The following KPNA7 variants were observed in gnomAD, a reference collection of about 807,000 sequenced individuals.
KPNA7 encodes the protein karyopherin subunit alpha 7.
KPNA7 carries 54 observed loss-of-function variants against 53.7 expected under a neutral mutation model. The observed-to-expected ratio is 1.01, with a 90% CI of 0.81 to 1.26. The LOEUF (loss-of-function observed/expected upper bound fraction) is 1.26, where lower values mean the gene tolerates loss of function less well. Among genes scored for constraint, KPNA7 ranks in the 50% most tolerant of loss-of-function variants. KPNA7 has a pLI of 0.00. For missense variants in KPNA7, 640 were observed against 644.5 expected, an observed-to-expected ratio of 0.99 and a Z score of 0.07; for synonymous variants, 276 against 259.3, an observed-to-expected ratio of 1.06 and a Z score of -0.62.
intron 7 of KPNA7, among the ~76,000 whole-genome samples, chr7:99,186,931 C>T (rs1188107664): frequency 4.6e-5 from 7 of 152,108 alleles, no homozygotes; most frequent in Admixed American, 4.6e-4. Flanking sequence ...AGCATAGAGA[C>T]ATCTTCAATA....
the KPNA7 span, among the ~76,000 whole-genome samples, chr7:99,166,854 C>G: frequency 6.6e-6 from 1 of 151,314 alleles, no homozygotes; most frequent in Non-Finnish European, 1.5e-5. Flanking sequence ...CTCCTGACCT[C>G]GTGATCCACC....
At chr7:99,162,932 A>C in the KPNA7 span, among the ~76,000 whole-genome samples, 2 of 152,096 alleles carry the variant, frequency 1.3e-5, no homozygotes, top group Admixed American at 6.6e-5. Context: ...TGTAATCCCA[A>C]CACTTTGGGA....
Position 99,195,190 on chromosome 7 carries a change from T to C in KPNA7, c.433A>G (p.Thr145Ala). ...AWALTNIASG[T>A]SEQTRAVVEG... ...ACCACGGCACGAGTCTGCTCCGAAG[T>C]CCCTGAAGCGATGTTGGTCAGGGCC... Residue 145 changes from threonine to alanine, a missense_variant, in exon 5 of 11, where the codon ACT becomes GCT. Thr to Ala is a moderately conservative substitution (Grantham distance 58). Coordinates refer to ENST00000327442, the MANE Select transcript of KPNA7 (RefSeq NM_001145715.3). The C allele has an allele frequency of 6.4e-7, 1 of 1,551,518 alleles. No homozygotes were observed. The highest frequency in any genetic ancestry group is 8.7e-7 in the Non-Finnish European group (1 of 1,146,998).
chr7:99,212,905 G>T (rs573794686), upstream of KPNA7, among the ~76,000 whole-genome samples: 6 of 151,866 alleles, frequency 4.0e-5, no homozygotes, highest in South Asian at 4.2e-4. Context: ...AAGAAAAAAA[G>T]AAAAGAAAAA....
intron 2 of KPNA7, among the ~76,000 whole-genome samples, chr7:99,205,410 CAAAAAAAAAA>C (rs61410237): frequency 2.7e-4 from 30 of 109,802 alleles, no homozygotes; most frequent in African/African-American, 6.0e-4. Flanking sequence ...GACTCCATCT[CAAAAAAAAAA>C]AAAAAAAAAA....
intron 3 of KPNA7, among the ~76,000 whole-genome samples, chr7:99,202,161 C>T (rs569847793): frequency 3.4e-4 from 52 of 152,026 alleles, no homozygotes; most frequent in African/African-American, 1.2e-3. Flanking sequence ...ATCATTGGAC[C>T]CAATTTGACA....
chr7:99,217,057 TC>T (rs1791236495), intron 1 of KPNA7, among the ~76,000 whole-genome samples: 2 of 152,342 alleles, frequency 1.3e-5, no homozygotes, highest in Non-Finnish European at 2.9e-5. Context: ...AGACATGTCA[TC>T]ATCCAAGAGT....
At position 99,196,294 on chromosome 7, in the gene KPNA7, T is replaced by G. The variant is rs554950953; in HGVS notation, c.202-128A>C. 88 of 656,990 alleles carry G rather than the reference T, an allele frequency of 1.3e-4. No homozygotes were observed. The African/African-American group carries it at 1.4e-3, about 10-fold the overall frequency. 40.7% of individuals were successfully genotyped at this position (656,990 alleles called of 1,614,324 possible). A position where few individuals can be genotyped will look rare whatever the true frequency, so the allele number is the denominator to read the frequency against. On this transcript the variant is annotated intron_variant, in intron 3 of 10. Transcript: ENST00000327442. ...CAGGATGTCCCATCTTGCATGCTGT[T>G]CTATATTTGGGGAGGGGAGAATATA...
intron 10 of KPNA7, among the ~76,000 whole-genome samples, chr7:99,175,527 T>C (rs1798870424): frequency 1.3e-5 from 2 of 151,450 alleles, no homozygotes; most frequent in East Asian, 1.9e-4. Context: ...ATTTATTATT[T>C]ATTTTGGAGA....
rs1174519687 is a variant in KPNA7 at position 99,208,091 on chromosome 7, G to A, written c.-87C>T. Among the ~76,000 whole-genome samples, 1 of 151,858 alleles carries A rather than the reference G, an allele frequency of 6.6e-6. No homozygotes were observed. The highest frequency in any genetic ancestry group is 1.9e-4 in the East Asian group (1 of 5,150). On this transcript the variant is annotated 5_prime_UTR_variant, in exon 1 of 11. Transcript: ENST00000327442. Reference sequence around the variant, plus strand: ...TGTCCTATTTCTGCAAGACCTGCTTGTTGGCATCAGAGTCTCACTCTGTCA... The same window carrying A: ...TGTCCTATTTCTGCAAGACCTGCTTATTGGCATCAGAGTCTCACTCTGTCA...
Position 99,207,481 on chromosome 7 carries a change from G to C in KPNA7, c.-15C>G. On this transcript the variant is annotated 5_prime_UTR_variant, in exon 2 of 11. The change creates a premature stop within an existing upstream ORF in the 5' untranslated region. Transcript: ENST00000327442. Reference sequence around the variant, plus strand: ...AAGGTCGGCATATTGACTGGAAGTAGTAAGTTACCTGCAGGTTGGACAGCA... The same window carrying C: ...AAGGTCGGCATATTGACTGGAAGTACTAAGTTACCTGCAGGTTGGACAGCA... The C allele has an allele frequency of 6.5e-7, 1 of 1,545,212 alleles. No individual in the cohort carries two copies. The highest frequency in any genetic ancestry group is 8.8e-7 in the Non-Finnish European group (1 of 1,141,202).
rs115766413 is a variant in KPNA7 at position 99,196,581 on chromosome 7, G to A, written c.202-415C>T. Among the ~76,000 whole-genome samples, 824 of 152,324 alleles carry A rather than the reference G, an allele frequency of 5.4e-3. 5 individuals carry two copies. The highest frequency in any genetic ancestry group is 0.019 in the African/African-American group (804 of 41,566). On this transcript the variant is annotated intron_variant, in intron 3 of 10. Transcript: ENST00000327442. Reference sequence around the variant, plus strand: ...GCGGCCAATTGTTTTATTCAAGCCAGGAAGTGTTTATCCAAGAAAGACAGC... The same window carrying A: ...GCGGCCAATTGTTTTATTCAAGCCAAGAAGTGTTTATCCAAGAAAGACAGC...
At position 99,195,300 on chromosome 7, in the gene KPNA7, A is replaced by G; in HGVS notation, c.323T>C (p.Leu108Pro). Reference protein sequence around the residue: ...LSQEKNPPLKLVIEAGLIPRM... With the variant: ...LSQEKNPPLKPVIEAGLIPRM... The stretch of plus-strand genomic sequence containing the variant: ...GGGAATGAGGCCCGCTTCAATGACC[A>G]GTTTCAGAGGGGGGTTCTTTTCCTG... Residue 108 changes from leucine to proline, a missense_variant, in exon 5 of 11, where the codon CTG (leucine) becomes CCG (proline). Physicochemically the swap from Leu to Pro is moderately conservative, Grantham distance 98. Transcript: ENST00000327442. 1 of 1,551,540 alleles carries G rather than the reference A, an allele frequency of 6.4e-7. No individual in the cohort carries two copies. Among genetic ancestry groups the G allele is most frequent in the South Asian group, 1.2e-5 (1 of 84,058 alleles).
At chr7:99,203,070 T>G (rs1463131391) in intron 3 of KPNA7, 36 bp downstream of exon 3, 1 of 1,541,168 alleles carries the variant, frequency 6.5e-7, no homozygotes, top group Non-Finnish European at 8.8e-7. Flanking sequence ...TAAGAACATA[T>G]TTTGCCCAAG....
the KPNA7 span, among the ~76,000 whole-genome samples, chr7:99,146,990 G>A: frequency 7.9e-5 from 12 of 152,232 alleles, no homozygotes; most frequent in South Asian, 2.1e-4. Context: ...AAGTCAAACC[G>A]TCATAAACTG....
the KPNA7 span, among the ~76,000 whole-genome samples, chr7:99,160,031 T>TTG: frequency 3.5e-5 from 5 of 142,742 alleles, no homozygotes; most frequent in African/African-American, 1.3e-4. Flanking sequence ...TTTTTTTTTT[T>TTG]TTTTTTTTTT....
At chr7:99,212,323 C>T (rs1187343781), upstream of KPNA7, among the ~76,000 whole-genome samples, 3 of 140,824 alleles carry the variant, frequency 2.1e-5, no homozygotes, top group Non-Finnish European at 4.5e-5. Context: ...CAGCTCACTG[C>T]AACCTCCACC....
At chr7:99,164,488 TGGGGTA>T in the KPNA7 span, among the ~76,000 whole-genome samples, 17 of 151,582 alleles carry the variant, frequency 1.1e-4, no homozygotes, top group Middle Eastern at 3.4e-3. Context: ...GGGACTGTTG[TGGGGTA>T]GGGGTAGGGG....
chr7:99,217,561 G>C (rs1301440428), intron 1 of KPNA7, among the ~76,000 whole-genome samples: 1 of 151,436 alleles, frequency 6.6e-6, no homozygotes, highest in East Asian at 1.9e-4. Context: ...AAGTGTCCAG[G>C]GACAGGAGAG....
Sources: gnomAD v4.1 joint callset for allele counts (sites outside exome capture counted in the v4.1 genomes callset) on GRCh38, gnomAD v4.1.1 for gene constraint, MANE v1.5 for transcripts, NCBI Gene and HGNC (gene_info 2026-07-23, HGNC 2026-07-21) for gene names.